Variants in NLK observed in about 807,000 individuals in gnomAD.
The protein encoded by NLK is serine/threonine-protein kinase NLK.
A neutral mutation model predicts 59.0 loss-of-function variants in NLK; 11 were observed. The ratio of observed to expected loss-of-function variants is 0.19; its 90% CI spans 0.12 to 0.31. The LOEUF (loss-of-function observed/expected upper bound fraction) is 0.31, where lower values mean the gene tolerates loss of function less well. Among genes scored for constraint, NLK ranks in the 10% least tolerant of loss-of-function variants. NLK has a pLI of 1.00. For synonymous variants in NLK, 235 were observed against 235.9 expected (o/e 1.00, Z 0.03); for missense variants, 410 against 661.1 (o/e 0.62, Z 4.16).
chr17:28,114,350 A>G lies in NLK; in HGVS notation c.459-8253A>G, dbSNP rs117110568. Among the ~76,000 whole-genome samples, 684 of 152,272 alleles carry G rather than the reference A, an allele frequency of 4.5e-3. 3 individuals carry two copies. Among genetic ancestry groups the G allele is most frequent in the Non-Finnish European group, 7.8e-3 (531 of 68,012 alleles). ...TTTTCCAAAGTGATTATAACAATTTACCCTCCTAAACTATAAGAATTTCCA... is the reference window on the plus strand; with the variant it reads ...TTTTCCAAAGTGATTATAACAATTTGCCCTCCTAAACTATAAGAATTTCCA... On this transcript the variant is annotated intron_variant, in intron 1 of 10. Coordinates refer to ENST00000407008, the MANE Select transcript of NLK (RefSeq NM_016231.5).
chr17:28,092,577 C>G (rs1275923048), intron 1 of NLK, among the ~76,000 whole-genome samples: 3 of 152,004 alleles, frequency 2.0e-5, no homozygotes, highest in African/African-American at 7.2e-5. Flanking sequence ...CTGTTCCACC[C>G]TCAGGCTCAG....
intron 1 of NLK, among the ~76,000 whole-genome samples, chr17:28,077,073 C>CTTTTTTTTTTT (rs35639099): frequency 3.4e-3 from 146 of 42,458 alleles, no homozygotes; most frequent in Non-Finnish European, 4.3e-3. Context: ...CTCTTTCTTT[C>CTTTTTTTTTTT]TTTTTTTTTT....
At chr17:28,182,588 T>G (rs1297434242) in intron 7 of NLK, among the ~76,000 whole-genome samples, 1 of 152,170 alleles carries the variant, frequency 6.6e-6, no homozygotes, top group Non-Finnish European at 1.5e-5. Context: ...CACAGGAAAT[T>G]TATTTAAGAG....
intron 8 of NLK, 54 bp from the exon 9 acceptor site, chr17:28,190,967 T>C: frequency 7.9e-7 from 1 of 1,268,992 alleles, no homozygotes; most frequent in Non-Finnish European, 1.1e-6. Context: ...AGATCCTATG[T>C]GGACAGTCAT....
At chr17:28,197,774 T>C (rs966413572), downstream of NLK, among the ~76,000 whole-genome samples, 32 of 152,234 alleles carry the variant, frequency 2.1e-4, no homozygotes, top group Admixed American at 1.9e-3. Context: ...TATTACTTTA[T>C]ATTAAAATAA....
chr17:28,194,432 C>T, intron 10 of NLK, 150 bp from the exon 11 acceptor site: 1 of 591,722 alleles, frequency 1.7e-6, no homozygotes, highest in Non-Finnish European at 3.0e-6. Flanking sequence ...AAACAAGCAA[C>T]TTAGAATAAA....
At chr17:28,203,932 T>A in the NLK span, among the ~76,000 whole-genome samples, 1 of 152,186 alleles carries the variant, frequency 6.6e-6, no homozygotes, top group South Asian at 2.1e-4. Flanking sequence ...AGAAACTTGC[T>A]TCAGCTCAGT....
chr17:28,197,285 A>T (rs1909505288), downstream of NLK, among the ~76,000 whole-genome samples: 1 of 152,130 alleles, frequency 6.6e-6, no homozygotes, highest in African/African-American at 2.4e-5. Flanking sequence ...CCTGGCCAAC[A>T]TGGTGAAACC....
chr17:28,160,997 T>C (rs780789727), intron 3 of NLK, among the ~76,000 whole-genome samples, 163 bp from the exon 4 acceptor site: 6 of 152,200 alleles, frequency 3.9e-5, no homozygotes, highest in Non-Finnish European at 7.3e-5. Flanking sequence ...ATTTTAGTAG[T>C]GTTTTGTGAG....
rs770845257 is a variant in NLK, at chr17:28,161,206, G to A, written c.691G>A (p.Val231Ile). 72 of 1,611,908 alleles carry A rather than the reference G, an allele frequency of 4.5e-5. No individual in the cohort carries two copies. The highest frequency in any genetic ancestry group is 1.3e-4 in the Admixed American group (8 of 59,978). ...LMQSDLHKII[V>I]SPQPLSSDHV... ...GCAGAGTGACCTACATAAAATTATC[G>A]TCTCTCCTCAACCACTCAGCTCAGA... Residue 231 changes from valine to isoleucine, a missense_variant, in exon 4 of 11, where the codon GTC becomes ATC. Coordinates refer to ENST00000407008, the MANE Select transcript of NLK (RefSeq NM_016231.5).
At chr17:28,163,429 G>C in intron 4 of NLK, 114 bp from the exon 5 acceptor site, 1 of 633,458 alleles carries the variant, frequency 1.6e-6, no homozygotes, top group Non-Finnish European at 2.8e-6. Flanking sequence ...TCATTATGCA[G>C]TTATTTAGGG....
At chr17:28,064,778 C>T (rs1468779232) in intron 1 of NLK, among the ~76,000 whole-genome samples, 1 of 152,140 alleles carries the variant, frequency 6.6e-6, no homozygotes, top group Admixed American at 6.5e-5. Context: ...TGGCCATGTG[C>T]CTTTCGGCAA....
chr17:28,061,659 C>A (rs1456428119), intron 1 of NLK, among the ~76,000 whole-genome samples: 5 of 151,236 alleles, frequency 3.3e-5, no homozygotes, highest in Non-Finnish European at 7.4e-5. Context: ...GTCATTTTGT[C>A]TGGTATACTA....
chr17:28,200,814 CA>C (rs1232832755), downstream of NLK, among the ~76,000 whole-genome samples: 1 of 151,642 alleles, frequency 6.6e-6, no homozygotes, highest in Non-Finnish European at 1.5e-5. Context: ...TTTTTTTTTT[CA>C]GTTACACTTT....
At chr17:28,070,332 G>A (rs763438614) in intron 1 of NLK, among the ~76,000 whole-genome samples, 51 of 151,066 alleles carry the variant, frequency 3.4e-4, no homozygotes, top group Non-Finnish European at 6.5e-4. Context: ...TTATGTTTAG[G>A]TAAGTTTTCC....
At chr17:28,081,726 AC>A (rs1323569597) in intron 1 of NLK, among the ~76,000 whole-genome samples, 1 of 152,166 alleles carries the variant, frequency 6.6e-6, no homozygotes, top group Non-Finnish European at 1.5e-5. Flanking sequence ...GTTACCTGTT[AC>A]CAGGTTTGCA....
intron 1 of NLK, among the ~76,000 whole-genome samples, chr17:28,103,404 T>C (rs1464571493): frequency 6.6e-6 from 1 of 152,262 alleles, no homozygotes; most frequent in East Asian, 1.9e-4. Flanking sequence ...TGAAAGTTTT[T>C]GTTTGAAAGT....
chr17:28,043,810 T>G (rs1908959147), intron 1 of NLK, among the ~76,000 whole-genome samples: 2 of 152,238 alleles, frequency 1.3e-5, no homozygotes, highest in South Asian at 4.1e-4. Flanking sequence ...GTGATCTTGA[T>G]CTCCAGAAGA....
At chr17:28,058,571 G>A (rs1010370456) in intron 1 of NLK, among the ~76,000 whole-genome samples, 2 of 152,118 alleles carry the variant, frequency 1.3e-5, no homozygotes, top group African/African-American at 4.8e-5. Flanking sequence ...TCCCATGATG[G>A]GTGCCTGTTG....
Sources: gnomAD v4.1 joint callset for allele counts (sites outside exome capture counted in the v4.1 genomes callset) on GRCh38, gnomAD v4.1.1 for gene constraint, MANE v1.5 for transcripts, NCBI Gene and HGNC (gene_info 2026-07-23, HGNC 2026-07-21) for gene names.